Variants in BBS9 observed in about 807,000 individuals in gnomAD.
BBS9 encodes protein PTHB1.
BBS9 carries 89 observed loss-of-function variants against 117.7 expected under a neutral mutation model. That is an observed-to-expected ratio of 0.76 (90% CI 0.64 to 0.90). BBS9 has a LOEUF of 0.90. BBS9 is among the 40% of genes least tolerant of loss of function. The probability of loss-of-function intolerance (pLI) is 0.00; values close to 1 mark genes in which losing one functional copy is unlikely to be tolerated. For synonymous variants in BBS9, 379 were observed against 370.9 expected (o/e 1.02, Z -0.25); for missense variants, 982 against 1,042.2 (o/e 0.94, Z 0.80).
At chr7:33,459,129 C>G (rs983139232) in intron 19 of BBS9, among the ~76,000 whole-genome samples, 1 of 152,074 alleles carries the variant, frequency 6.6e-6, no homozygotes, top group Non-Finnish European at 1.5e-5. Flanking sequence ...AATAAACACT[C>G]AAGAAGACAA....
At chr7:33,395,627 G>A (rs1255457201) in intron 19 of BBS9, among the ~76,000 whole-genome samples, 1 of 152,154 alleles carries the variant, frequency 6.6e-6, no homozygotes, top group Non-Finnish European at 1.5e-5. Context: ...CTACAAAAGA[G>A]GCTGTATTAG....
intron 19 of BBS9, among the ~76,000 whole-genome samples, chr7:33,498,796 T>C (rs947790843): frequency 1.3e-5 from 2 of 152,234 alleles, no homozygotes; most frequent in East Asian, 3.8e-4. Context: ...ACTTTTTGGC[T>C]ATTATAAGTA....
intron 17 of BBS9, among the ~76,000 whole-genome samples, chr7:33,377,452 G>A (rs1824108837): frequency 6.6e-6 from 1 of 152,148 alleles, no homozygotes; most frequent in Non-Finnish European, 1.5e-5. Flanking sequence ...GTAGGGCAAT[G>A]TGATGCTTCC....
At chr7:33,378,054 C>A (rs921982980) in intron 17 of BBS9, among the ~76,000 whole-genome samples, 1 of 152,098 alleles carries the variant, frequency 6.6e-6, no homozygotes, top group Middle Eastern at 3.2e-3. Flanking sequence ...TAAATTTTGG[C>A]TGCTTGTATT....
intron 6 of BBS9, among the ~76,000 whole-genome samples, chr7:33,262,004 G>T (rs1798053515): frequency 6.6e-6 from 1 of 152,136 alleles, no homozygotes; most frequent in Admixed American, 6.5e-5. Flanking sequence ...AATCTGCTTG[G>T]AATTGTTTGG....
chr7:33,488,822 A>C (rs971132282), intron 19 of BBS9, among the ~76,000 whole-genome samples: 1 of 152,022 alleles, frequency 6.6e-6, no homozygotes, highest in Non-Finnish European at 1.5e-5. Context: ...AGTCTCTTCC[A>C]TTTTAGAGCT....
At chr7:33,199,697 T>C (rs1785521324) in intron 5 of BBS9, among the ~76,000 whole-genome samples, 1 of 151,690 alleles carries the variant, frequency 6.6e-6, no homozygotes, top group African/African-American at 2.4e-5. Context: ...TAAATGAAGG[T>C]GGGATAATTT....
chr7:33,319,502 A>G (rs1811237298), intron 9 of BBS9, among the ~76,000 whole-genome samples: 1 of 152,216 alleles, frequency 6.6e-6, no homozygotes, highest in South Asian at 2.1e-4. Flanking sequence ...ACTAGTTTAC[A>G]TTCCCACCAG....
chr7:33,628,870 C>A (rs6462489), intron 21 of BBS9, among the ~76,000 whole-genome samples: 42,608 of 151,994 alleles, frequency 0.28, 6,644 homozygotes, highest in East Asian at 0.43. Flanking sequence ...ATATATTACC[C>A]ACAAACAATT....
intron 5 of BBS9, among the ~76,000 whole-genome samples, chr7:33,235,260 G>A (rs1036610894): frequency 1.3e-5 from 2 of 152,028 alleles, no homozygotes; most frequent in African/African-American, 2.4e-5. Flanking sequence ...ACAGGATTCA[G>A]ATCTGAGGTC....
chr7:33,571,128 A>C (rs1857709921), intron 21 of BBS9, among the ~76,000 whole-genome samples: 1 of 152,184 alleles, frequency 6.6e-6, no homozygotes. Flanking sequence ...GGTATATGGA[A>C]ACTCATTGTA....
intron 9 of BBS9, among the ~76,000 whole-genome samples, chr7:33,301,391 T>G (rs1683428922): frequency 6.6e-6 from 1 of 152,248 alleles, no homozygotes; most frequent in East Asian, 1.9e-4. Flanking sequence ...TTTTTAAATA[T>G]GGTTAACCAT....
At chr7:33,459,749 A>AGATCTGGGCATTAAGCACAC (rs1839184792) in intron 19 of BBS9, among the ~76,000 whole-genome samples, 1 of 152,150 alleles carries the variant, frequency 6.6e-6, no homozygotes. Context: ...GAAGAAACCA[A>AGATCTGGGCATTAAGCACAC]GATCTGGGCA....
At chr7:33,599,163 A>G (rs1302560182) in intron 21 of BBS9, among the ~76,000 whole-genome samples, 9 of 152,198 alleles carry the variant, frequency 5.9e-5, no homozygotes, top group Non-Finnish European at 1.3e-4. Flanking sequence ...CACCTGGGGT[A>G]GAATCAAATA....
At chr7:33,369,433 A>T (rs948155476) in intron 17 of BBS9, among the ~76,000 whole-genome samples, 1 of 152,196 alleles carries the variant, frequency 6.6e-6, no homozygotes, top group Admixed American at 6.5e-5. Flanking sequence ...CTGCTATCTA[A>T]ATTTTACCAA....
At chr7:33,613,658 C>T (rs1009222078) in intron 21 of BBS9, among the ~76,000 whole-genome samples, 2 of 151,966 alleles carry the variant, frequency 1.3e-5, no homozygotes, top group Non-Finnish European at 2.9e-5. Context: ...GCAACAACCT[C>T]ACTATGTTTG....
chr7:33,530,511 A>C (rs947046752), intron 20 of BBS9, among the ~76,000 whole-genome samples: 3 of 152,168 alleles, frequency 2.0e-5, no homozygotes, highest in African/African-American at 7.2e-5. Context: ...TATTCAAAGG[A>C]TTTTTTTCTT....
chr7:33,324,826 A>G (rs1231122404), intron 9 of BBS9, among the ~76,000 whole-genome samples: 1 of 152,052 alleles, frequency 6.6e-6, no homozygotes, highest in African/African-American at 2.4e-5. Context: ...TAAAGTTCCC[A>G]TTGAGAAGTT....
intron 3 of BBS9, 148 bp downstream of exon 3, chr7:33,152,999 C>G (rs1793586211): frequency 1.2e-6 from 1 of 835,410 alleles, no homozygotes; most frequent in Non-Finnish European, 1.9e-6. Flanking sequence ...GTATGGAATG[C>G]TTTTTATGTG....
Sources: allele counts gnomAD v4.1 joint callset (sites outside exome capture counted in the v4.1 genomes callset), GRCh38; gene constraint gnomAD v4.1.1; transcripts MANE v1.5; gene names NCBI Gene and HGNC (gene_info 2026-07-23, HGNC 2026-07-21).